VTI1A: variants seen among roughly 807,000 people sequenced by gnomAD.
VTI1A encodes the protein vesicle transport through interaction with t-SNAREs homolog 1A.
Under a neutral mutation model 34.9 loss-of-function variants are expected in VTI1A, and 22 were observed. The ratio of observed to expected loss-of-function variants is 0.63; its 90% CI spans 0.45 to 0.90. VTI1A has a LOEUF of 0.90. Among genes scored for constraint, VTI1A ranks in the 40% least tolerant of loss-of-function variants. The probability of loss-of-function intolerance (pLI) is 0.00; values close to 1 mark genes in which losing one functional copy is unlikely to be tolerated. For missense variants in VTI1A, 268 were observed against 275.6 expected (o/e 0.97, Z 0.20); for synonymous variants, 87 against 97.3 (o/e 0.89, Z 0.62).
chr10:112,759,814 C>T (rs901240323), intron 7 of VTI1A, among the ~76,000 whole-genome samples: 2 of 152,138 alleles, frequency 1.3e-5, no homozygotes, highest in Non-Finnish European at 2.9e-5. Flanking sequence ...ACTGTTCCAG[C>T]ACTCCAGGTC....
chr10:112,832,216 G>C, the VTI1A span: 1 of 152,140 alleles, frequency 6.6e-6, no homozygotes, highest in Non-Finnish European at 1.5e-5. Flanking sequence ...TGTAGGGCAA[G>C]TTCAAAACCC....
chr10:112,601,632 G>A (rs561837754), intron 5 of VTI1A, among the ~76,000 whole-genome samples: 2 of 152,254 alleles, frequency 1.3e-5, no homozygotes, highest in South Asian at 2.1e-4. Flanking sequence ...TGACTGGCCA[G>A]TAAAACCCTT....
At chr10:112,763,035 C>T (rs1162055776) in intron 7 of VTI1A, among the ~76,000 whole-genome samples, 1 of 152,132 alleles carries the variant, frequency 6.6e-6, no homozygotes, top group Admixed American at 6.5e-5. Flanking sequence ...CCAGACAGCC[C>T]CTGCCACTTG....
chr10:112,731,083 T>C (rs1404038119), intron 7 of VTI1A, among the ~76,000 whole-genome samples: 1 of 152,176 alleles, frequency 6.6e-6, no homozygotes, highest in Non-Finnish European at 1.5e-5. Flanking sequence ...GGGTCTGTAA[T>C]GACTGTTTAT....
At chr10:112,512,472 T>C (rs192012768) in intron 3 of VTI1A, among the ~76,000 whole-genome samples, 103 of 152,244 alleles carry the variant, frequency 6.8e-4, no homozygotes, top group African/African-American at 2.4e-3. Context: ...ATGAATAGTT[T>C]GTGTTTTCTC....
At chr10:112,472,513 G>T (rs565676748) in intron 3 of VTI1A, among the ~76,000 whole-genome samples, 40 of 151,144 alleles carry the variant, frequency 2.6e-4, no homozygotes, top group Non-Finnish European at 5.7e-4. Context: ...GAGTTTATGA[G>T]TAAAGCCAGT....
intron 5 of VTI1A, among the ~76,000 whole-genome samples, chr10:112,578,679 T>C (rs1843803232): frequency 6.6e-6 from 1 of 152,256 alleles, no homozygotes; most frequent in South Asian, 2.1e-4. Context: ...TATTTTCAAA[T>C]CTATTTTAAG....
At chr10:112,639,855 T>G (rs1846501208) in intron 5 of VTI1A, among the ~76,000 whole-genome samples, 1 of 152,238 alleles carries the variant, frequency 6.6e-6, no homozygotes, top group East Asian at 1.9e-4. Context: ...CCAATATGGC[T>G]TATGCCAGTT....
At chr10:112,642,893 T>C (rs10749124) in intron 5 of VTI1A, among the ~76,000 whole-genome samples, 92,653 of 151,594 alleles carry the variant, frequency 0.61, 28,869 homozygotes, top group Non-Finnish European at 0.67. Context: ...TGAAAAACTT[T>C]TGGACATTGG....
chr10:112,577,624 A>G (rs549359493), intron 5 of VTI1A, among the ~76,000 whole-genome samples: 3 of 152,350 alleles, frequency 2.0e-5, no homozygotes, highest in South Asian at 2.1e-4. Context: ...GTTGTGTTCA[A>G]TAGCTTCTAA....
chr10:112,474,870 C>G (rs1322541314), intron 3 of VTI1A, among the ~76,000 whole-genome samples: 1 of 152,178 alleles, frequency 6.6e-6, no homozygotes, highest in East Asian at 1.9e-4. Flanking sequence ...TTATTCCTGG[C>G]CTTGACCTTG....
intron 7 of VTI1A, among the ~76,000 whole-genome samples, chr10:112,744,364 T>C (rs191362134): frequency 1.1e-4 from 17 of 152,132 alleles, no homozygotes; most frequent in Admixed American, 1.1e-3. Flanking sequence ...TGCAGAAATA[T>C]CAGTGATTGG....
chr10:112,554,838 A>G (rs1019747875), intron 5 of VTI1A, among the ~76,000 whole-genome samples: 1 of 152,078 alleles, frequency 6.6e-6, no homozygotes, highest in African/African-American at 2.4e-5. Flanking sequence ...AAAAACAACA[A>G]TATGAACTTT....
chr10:112,805,985 G>GA (rs1327569922), intron 7 of VTI1A, among the ~76,000 whole-genome samples: 2 of 152,162 alleles, frequency 1.3e-5, no homozygotes, highest in Non-Finnish European at 2.9e-5. Flanking sequence ...AGAGCGTGCT[G>GA]ATTCCTGTTG....
chr10:112,461,701 ATGAG>A (rs1847734846), intron 2 of VTI1A, among the ~76,000 whole-genome samples: 1 of 152,090 alleles, frequency 6.6e-6, no homozygotes, highest in Admixed American at 6.5e-5. Context: ...TTGTGGCCCT[ATGAG>A]TGTGTTGCTT....
the VTI1A span, among the ~76,000 whole-genome samples, chr10:112,851,427 A>T: frequency 6.6e-6 from 1 of 152,190 alleles, no homozygotes; most frequent in Non-Finnish European, 1.5e-5. Context: ...GCCCAGAAAG[A>T]TCTTTCTAGT....
At chr10:112,546,567 G>T (rs184619457) in intron 5 of VTI1A, among the ~76,000 whole-genome samples, 1 of 152,110 alleles carries the variant, frequency 6.6e-6, no homozygotes, top group East Asian at 1.9e-4. Context: ...TTACTTGTCC[G>T]CTAGAATAGC....
chr10:112,571,183 G>A (rs1852102521), intron 5 of VTI1A, among the ~76,000 whole-genome samples: 1 of 152,178 alleles, frequency 6.6e-6, no homozygotes, highest in South Asian at 2.1e-4. Flanking sequence ...AGATATTAGA[G>A]ATTCCAGACT....
At chr10:112,510,762 T>A (rs1031877217) in intron 3 of VTI1A, among the ~76,000 whole-genome samples, 3 of 152,212 alleles carry the variant, frequency 2.0e-5, no homozygotes, top group Admixed American at 2.0e-4. Flanking sequence ...AACTGATAAC[T>A]TTGAACTTCT....
Sources: allele counts gnomAD v4.1 joint callset (sites outside exome capture counted in the v4.1 genomes callset), GRCh38; gene constraint gnomAD v4.1.1; transcripts MANE v1.5; gene names NCBI Gene and HGNC (gene_info 2026-07-23, HGNC 2026-07-21).